The following TMC8 variants were observed in gnomAD, a reference collection of about 807,000 sequenced individuals.
The protein encoded by TMC8 is transmembrane channel like 8.
A neutral mutation model predicts 76.0 loss-of-function variants in TMC8; 71 were observed. The ratio of observed to expected loss-of-function variants is 0.93; its 90% CI spans 0.77 to 1.14. The LOEUF is 1.14. TMC8 is among the 50% of genes most tolerant of loss of function. TMC8 has a pLI of 0.00. For missense variants in TMC8, 924 were observed against 947.9 expected, an observed-to-expected ratio of 0.97 and a Z score of 0.33; for synonymous variants, 433 against 433.8, an observed-to-expected ratio of 1.00 and a Z score of 0.02.
rs986868698 is a variant in TMC8 at position 78,141,985 on chromosome 17, G to A, written c.*873G>A. The A allele has an allele frequency of 6.6e-6, 1 of 152,372 alleles. No individual in the cohort carries two copies. Among genetic ancestry groups the A allele is most frequent in the Non-Finnish European group, 1.5e-5 (1 of 68,158 alleles). 9.4% of individuals were successfully genotyped at this position (152,372 alleles called of 1,614,324 possible). On this transcript the variant is annotated 3_prime_UTR_variant, in exon 16 of 16. Coordinates refer to ENST00000318430, the MANE Select transcript of TMC8 (RefSeq NM_152468.5). ...CCGCCTGGGCCTTAGTGGTATGTAC[G>A]GGCCTGCATCGTGAGCAGCGGGCGG...
chr17:78,131,088 G>A (rs1329451934), intron 1 of TMC8, 193 bp from the exon 2 acceptor site: 3 of 205,060 alleles, frequency 1.5e-5, no homozygotes, highest in Non-Finnish European at 1.0e-5. Context: ...CGAGTCCCAG[G>A]AACTGTGGGG....
chr17:78,133,829 A>G, intron 6 of TMC8, 24 bp from the exon 7 acceptor site: 1 of 1,612,620 alleles, frequency 6.2e-7, no homozygotes, highest in South Asian at 1.1e-5. Context: ...CTCCTCCAGC[A>G]GCCCCTGGTC....
chr17:78,132,421 C>T lies in TMC8; in HGVS notation c.361C>T (p.Leu121=), dbSNP rs1234202350. ...TFLRFLLLLN[L]LSLLLTASFV... ...CCTCCGCTTCCTGCTGCTACTCAAC[C>T]TGCTGAGCCTGCTGCTCACCGCAAG... The change falls in exon 4 of 16, where the codon CTG becomes TTG. Residue 121 remains leucine, a synonymous_variant. Coordinates refer to ENST00000318430, the MANE Select transcript of TMC8 (RefSeq NM_152468.5). 1.2e-6 allele frequency: 2 copies of T among 1,612,738 alleles called. No homozygotes were observed. The highest frequency in any genetic ancestry group is 8.5e-7 in the Non-Finnish European group (1 of 1,179,652).
intron 1 of TMC8, 104 bp from the exon 2 acceptor site, chr17:78,131,177 G>A: frequency 3.2e-6 from 1 of 312,868 alleles, no homozygotes; most frequent in African/African-American, 2.3e-5. Flanking sequence ...GGGTGACGGT[G>A]GGCCCAGGCA....
At position 78,131,663 on chromosome 17, in the gene TMC8, G is replaced by T; in HGVS notation, c.75G>T (p.Glu25Asp). The T allele has an allele frequency of 6.4e-7, 1 of 1,568,054 alleles. No homozygotes were observed. The highest frequency in any genetic ancestry group is 2.3e-5 in the East Asian group (1 of 42,606). The stretch of plus-strand genomic sequence containing the variant: ...AGCCGGAGGAGCTGTGGGAGGCAGA[G>T]ATGGAGCGGCTGCGCGGCTCTGGGA... ...VPEPEELWEA[E>D]MERLRGSGTP... is the part of the protein sequence containing the mutation. Residue 25 changes from glutamate to aspartate, a missense_variant, in exon 2 of 16, where the codon GAG becomes GAT. Coordinates refer to ENST00000318430, the MANE Select transcript of TMC8 (RefSeq NM_152468.5).
Position 78,133,853 on chromosome 17 carries a change from G to T in TMC8, c.669G>T (p.Arg223=), listed in dbSNP as rs2075127443. 1 of 1,613,204 alleles carries T rather than the reference G, an allele frequency of 6.2e-7. No individual in the cohort carries two copies. The highest frequency in any genetic ancestry group is 8.5e-7 in the Non-Finnish European group (1 of 1,180,032). ...LLLCFCGTLR[R]MVKGLPQKTL... is the part of the protein sequence containing the mutation. The stretch of plus-strand genomic sequence containing the variant: ...CAGCCCCTGGTCTCCTGCCCCGCAG[G>T]ATGGTGAAGGGGCTGCCGCAGAAGA... Residue 223 remains arginine (R), a splice_region_variant and synonymous_variant, in exon 7 of 16, where the codon CGG becomes CGT. Coordinates refer to ENST00000318430, the MANE Select transcript of TMC8 (RefSeq NM_152468.5).
intron 2 of TMC8, 38 bp downstream of exon 2, chr17:78,131,775 G>A (rs1598894454): frequency 6.4e-7 from 1 of 1,556,530 alleles, no homozygotes; most frequent in Non-Finnish European, 8.7e-7. Context: ...GCGTGGGGGG[G>A]GTGCTGCGAG....
chr17:78,133,640 G>T, intron 6 of TMC8, 98 bp downstream of exon 6: 6 of 1,586,914 alleles, frequency 3.8e-6, no homozygotes, highest in Non-Finnish European at 5.1e-6. Flanking sequence ...GAAGGCCCAT[G>T]GCCCGGCACA....
intron 1 of TMC8, 128 bp from the exon 2 acceptor site, chr17:78,131,153 A>G: frequency 3.8e-6 from 1 of 260,612 alleles, no homozygotes; most frequent in Non-Finnish European, 7.6e-6. Context: ...AAGAGAGGGA[A>G]TTGTCTCTCC....
Position 78,141,026 on chromosome 17 carries a change from G to T in TMC8, c.2095G>T (p.Ala699Ser). Residue 699 changes from alanine (A) to serine (S), a missense_variant, in exon 16 of 16, where the codon GCG (alanine) becomes TCG (serine). Coordinates refer to ENST00000318430, the MANE Select transcript of TMC8 (RefSeq NM_152468.5). Reference sequence around the variant, plus strand: ...GCCGGGCCCCTCCGTCGTGGATGCCGCGGGACTGCGTTCCCCTTGCCCTGG... The same window carrying T: ...GCCGGGCCCCTCCGTCGTGGATGCCTCGGGACTGCGTTCCCCTTGCCCTGG... ...PRPGPSVVDA[A>S]GLRSPCPGQH... 6.2e-7 allele frequency: 1 copy of T among 1,602,780 alleles called. No individual in the cohort carries two copies.
intron 14 of TMC8, 174 bp downstream of exon 14, chr17:78,138,906 G>A: frequency 3.9e-6 from 6 of 1,536,508 alleles, no homozygotes; most frequent in South Asian, 1.2e-5. Context: ...GCTGCCATGG[G>A]GATTGCAGGA....
chr17:78,132,642 A>G, intron 4 of TMC8, 134 bp downstream of exon 4: 3 of 1,495,540 alleles, frequency 2.0e-6, no homozygotes, highest in Non-Finnish European at 2.8e-6. Context: ...TCTCTCCCTG[A>G]CCTCGCCTTG....
chr17:78,134,840 C>T (rs755591780), intron 8 of TMC8, 30 bp from the exon 9 acceptor site: 36 of 1,612,518 alleles, frequency 2.2e-5, no homozygotes, highest in Admixed American at 3.3e-5. Context: ...CCCCAGCACG[C>T]GGGCTCCCCT....
intron 5 of TMC8, 99 bp downstream of exon 5, chr17:78,132,969 A>G: frequency 1.5e-6 from 2 of 1,369,374 alleles, no homozygotes; most frequent in Admixed American, 3.4e-5. Flanking sequence ...TCCTCCAGGG[A>G]CATTTCGGCT....
chr17:78,133,680 G>T, intron 6 of TMC8, 138 bp downstream of exon 6: 1 of 1,542,744 alleles, frequency 6.5e-7, no homozygotes. Context: ...CTCAGCCCAG[G>T]CTCTGGCCGC....
Position 78,133,913 on chromosome 17 carries a change from C to T in TMC8, c.729C>T (p.Ser243=), listed in dbSNP as rs1358425662. ...LLGQGYQAPL[S]AKVFSSWDFC... ...GTCAGGGCTATCAGGCGCCTCTCAG[C>T]GCCAAGGTCTTCTCCTCATGGGACT... Residue 243 remains serine (S), a synonymous_variant, in exon 7 of 16, where the codon AGC becomes AGT. Transcript: ENST00000318430. The T allele has an allele frequency of 2.5e-6, 4 of 1,613,596 alleles. No homozygotes were observed. The highest frequency in any genetic ancestry group is 1.7e-5 in the Admixed American group (1 of 60,026).
chr17:78,131,608 T>C lies in TMC8; in HGVS notation c.20T>C (p.Val7Ala). ...GCCGAGATGCTGCTGCCGCGGTCGG[T>C]GTCATCGGAGCGGGCCCCTGGGGTG... MLLPRS[V>A]SSERAPGVPE... Residue 7 changes from valine to alanine, a missense_variant, in exon 2 of 16, where the codon GTG becomes GCG. Val to Ala is a moderately conservative substitution (Grantham distance 64, BLOSUM62 0). Coordinates refer to ENST00000318430, the MANE Select transcript of TMC8 (RefSeq NM_152468.5). 1 of 1,548,152 alleles carries C rather than the reference T, an allele frequency of 6.5e-7. No homozygotes were observed. The highest frequency in any genetic ancestry group is 8.7e-7 in the Non-Finnish European group (1 of 1,147,588).
intron 9 of TMC8, 113 bp downstream of exon 9, chr17:78,135,122 C>A: frequency 7.1e-7 from 1 of 1,402,216 alleles, no homozygotes. Context: ...CTTCCCCCTT[C>A]ACTAGTGGCC....
At chr17:78,135,160 G>C in intron 9 of TMC8, 151 bp downstream of exon 9, 2 of 1,015,648 alleles carry the variant, frequency 2.0e-6, no homozygotes, top group South Asian at 2.7e-5. Context: ...ACACCTCACA[G>C]CACACGACCT....
Sources: allele counts gnomAD v4.1 joint callset, GRCh38; gene constraint gnomAD v4.1.1; transcripts MANE v1.5; gene names NCBI Gene and HGNC (gene_info 2026-07-23, HGNC 2026-07-21).